TOGARAM2: variants seen among roughly 807,000 people sequenced by gnomAD.
TOGARAM2 encodes TOG array regulator of axonemal microtubules 2, also known as TOG array regulator of axonemal microtubules protein 2.
TOGARAM2 carries 85 observed loss-of-function variants against 93.3 expected under a neutral mutation model. That is an observed-to-expected ratio of 0.91 (90% CI 0.76 to 1.09). The LOEUF is 1.09. TOGARAM2 is among the 50% of genes least tolerant of loss of function. TOGARAM2 has a pLI of 0.00. For synonymous variants in TOGARAM2, 593 were observed against 552.8 expected (o/e 1.07, Z -1.02); for missense variants, 1,277 against 1,334.5 (o/e 0.96, Z 0.67).
intron 1 of TOGARAM2, 98 bp from the exon 2 acceptor site, chr2:28,994,627 A>G (rs954307854): frequency 2.1e-6 from 1 of 467,930 alleles, no homozygotes; most frequent in South Asian, 3.2e-5. Flanking sequence ...CGATTTCTTC[A>G]TGACAATAAT....
intron 1 of TOGARAM2, chr2:28,971,085 T>G (rs1671942439): frequency 6.6e-6 from 1 of 152,252 alleles, no homozygotes; most frequent in Non-Finnish European, 1.5e-5. Context: ...TTGTTGCTTT[T>G]GAGAGCTCCC....
intron 15 of TOGARAM2, 21 bp downstream of exon 15, chr2:29,033,072 G>A: frequency 6.2e-7 from 1 of 1,601,238 alleles, no homozygotes; most frequent in South Asian, 1.1e-5. Context: ...GGGCATAAGT[G>A]GGTCATGGCC....
At chr2:29,024,888 C>T (rs1665244927) in intron 13 of TOGARAM2, among the ~76,000 whole-genome samples, 1 of 152,192 alleles carries the variant, frequency 6.6e-6, no homozygotes, top group Admixed American at 6.5e-5. Flanking sequence ...TTTCATTCTC[C>T]AGCTTGCCCC....
chr2:29,033,071 T>A lies in TOGARAM2; in HGVS notation c.2130+20T>A, dbSNP rs1183848282. Reference sequence around the variant, plus strand: ...CAGCAGGTGAGCTGTGGGGCATAAGTGGGTCATGGCCTTTTGGGGGTGGGG... The same window carrying A: ...CAGCAGGTGAGCTGTGGGGCATAAGAGGGTCATGGCCTTTTGGGGGTGGGG... On this transcript the variant is annotated intron_variant, in intron 15 of 19. Transcript: ENST00000379558. 1.2e-6 allele frequency: 2 copies of A among 1,602,332 alleles called. No individual in the cohort carries two copies. Among genetic ancestry groups the A allele is most frequent in the African/African-American group, 2.7e-5 (2 of 74,698 alleles).
chr2:29,044,686 G>A (rs1666634317), intron 18 of TOGARAM2, among the ~76,000 whole-genome samples: 1 of 151,898 alleles, frequency 6.6e-6, no homozygotes, highest in African/African-American at 2.4e-5. Context: ...GGAGTACTGG[G>A]TTTTACTTGG....
At chr2:29,043,593 G>A (rs1026044) in intron 18 of TOGARAM2, among the ~76,000 whole-genome samples, 44,744 of 152,174 alleles carry the variant, frequency 0.29, 8,438 homozygotes, top group Admixed American at 0.41. Flanking sequence ...TAGGCCACCT[G>A]CCCTCACCTA....
intron 6 of TOGARAM2, among the ~76,000 whole-genome samples, chr2:29,005,442 CATGT>C (rs1163399027): frequency 1.4e-5 from 2 of 137,992 alleles, no homozygotes; most frequent in Non-Finnish European, 3.1e-5. Context: ...TGCGTGAGTG[CATGT>C]ATGTGAGAGC....
intron 19 of TOGARAM2, 127 bp downstream of exon 19, chr2:29,045,537 G>A (rs770699334): frequency 2.5e-6 from 2 of 809,908 alleles, no homozygotes; most frequent in South Asian, 1.5e-5. Context: ...TTAAAATTTT[G>A]AAAATCTGCT....
intron 19 of TOGARAM2, chr2:29,048,639 AG>A (rs935710049): frequency 1.1e-4 from 17 of 150,468 alleles, no homozygotes; most frequent in African/African-American, 3.7e-4. Context: ...AATGTCCTCA[AG>A]ATTTATCCAT....
At chr2:28,980,551 C>A (rs931938030), upstream of TOGARAM2, among the ~76,000 whole-genome samples, 2 of 152,156 alleles carry the variant, frequency 1.3e-5, no homozygotes, top group Non-Finnish European at 2.9e-5. Context: ...ATGGTGAGGG[C>A]TAGAAGGGGG....
chr2:29,005,400 AGTGTGT>A (rs933990438), intron 6 of TOGARAM2, among the ~76,000 whole-genome samples: 2 of 54,440 alleles, frequency 3.7e-5, no homozygotes, highest in Admixed American at 2.2e-4. Flanking sequence ...ATGTATGTGG[AGTGTGT>A]GTGTGCGTGT....
chr2:28,991,707 G>T (rs1672742113), intron 1 of TOGARAM2, among the ~76,000 whole-genome samples: 1 of 152,186 alleles, frequency 6.6e-6, no homozygotes, highest in African/African-American at 2.4e-5. Flanking sequence ...AGGCCCGGGT[G>T]GTTGGGGTTT....
rs1448112352 is a variant in TOGARAM2, at chr2:29,011,227, A to T, written c.831-228A>T. Reference sequence around the variant, plus strand: ...GAATGCGCGAGCTGCACTGCCAGGAAATGGGGCTGAACCTGGCCTGGTGGT... The same window carrying T: ...GAATGCGCGAGCTGCACTGCCAGGATATGGGGCTGAACCTGGCCTGGTGGT... On this transcript the variant is annotated intron_variant, in intron 6 of 19. Coordinates refer to ENST00000379558, the MANE Select transcript of TOGARAM2 (RefSeq NM_199280.4). 2.0e-5 allele frequency among the ~76,000 whole-genome samples: 3 copies of T among 152,194 alleles called. No individual in the cohort carries two copies. In the East Asian group the frequency reaches 5.8e-4, roughly 29 times the overall value.
At chr2:28,966,524 C>G (rs927993259) in intron 1 of TOGARAM2, among the ~76,000 whole-genome samples, 5 of 152,042 alleles carry the variant, frequency 3.3e-5, no homozygotes, top group African/African-American at 1.2e-4. Context: ...TCTTGATCTC[C>G]TGACTTCATG....
chr2:29,006,862 G>A lies in TOGARAM2; in HGVS notation c.830+3180G>A, dbSNP rs186595227. Among the ~76,000 whole-genome samples, 383 of 152,120 alleles carry A rather than the reference G, an allele frequency of 2.5e-3. 2 individuals carry two copies. The highest frequency in any genetic ancestry group is 8.5e-3 in the African/African-American group (351 of 41,468). On this transcript the variant is annotated intron_variant, in intron 6 of 19. Coordinates refer to ENST00000379558, the MANE Select transcript of TOGARAM2 (RefSeq NM_199280.4). ...CAGACGCTGGCCTCTTCCTCCCCTC[G>A]GAGCAGCCTTATCTGTGCCTCTCAT...
At chr2:29,014,222 C>G (rs1229966068) in intron 7 of TOGARAM2, among the ~76,000 whole-genome samples, 173 bp from the exon 8 acceptor site, 2 of 152,222 alleles carry the variant, frequency 1.3e-5, no homozygotes, top group Non-Finnish European at 1.5e-5. Context: ...CACAGGTAGT[C>G]TGTCTCATGC....
chr2:28,974,441 G>T (rs1354268515), intron 1 of TOGARAM2, among the ~76,000 whole-genome samples: 1 of 151,996 alleles, frequency 6.6e-6, no homozygotes, highest in Admixed American at 6.6e-5. Context: ...GGGGGTGCTT[G>T]GCTTCTTGGA....
intron 13 of TOGARAM2, 71 bp from the exon 14 acceptor site, chr2:29,026,782 C>T (rs1203194131): frequency 7.1e-7 from 1 of 1,412,264 alleles, no homozygotes; most frequent in Non-Finnish European, 9.4e-7. Flanking sequence ...ATGGTAGATC[C>T]ATGTTTGCCA....
At chr2:28,989,870 G>A (rs1030200850) in intron 1 of TOGARAM2, among the ~76,000 whole-genome samples, 4 of 152,252 alleles carry the variant, frequency 2.6e-5, no homozygotes, top group East Asian at 3.8e-4. Context: ...CGTGCCTTCA[G>A]TCACACAGCT....
Sources: allele counts gnomAD v4.1 joint callset (sites outside exome capture counted in the v4.1 genomes callset), GRCh38; gene constraint gnomAD v4.1.1; transcripts MANE v1.5; gene names NCBI Gene and HGNC (gene_info 2026-07-23, HGNC 2026-07-21).